Variants in CDK12 observed in about 807,000 individuals in gnomAD.
CDK12 encodes the protein cyclin-dependent kinase 12.
In CDK12, 17 loss-of-function variants were observed where a neutral mutation model predicts 133.8. The observed-to-expected ratio is 0.13, with a 90% CI of 0.09 to 0.19. The LOEUF (loss-of-function observed/expected upper bound fraction) is 0.19, where lower values mean the gene tolerates loss of function less well. CDK12 is among the 10% of genes least tolerant of loss of function. The probability of loss-of-function intolerance (pLI) is 1.00; values close to 1 mark genes in which losing one functional copy is unlikely to be tolerated. For missense variants in CDK12, 1,508 were observed against 1,818.7 expected, an observed-to-expected ratio of 0.83 and a Z score of 3.11; for synonymous variants, 694 against 683.6, an observed-to-expected ratio of 1.02 and a Z score of -0.24.
At chr17:39,561,589 C>G (rs547901946) in intron 3 of CDK12, among the ~76,000 whole-genome samples, 5 of 152,324 alleles carry the variant, frequency 3.3e-5, no homozygotes, top group African/African-American at 1.2e-4. Context: ...TTGGCCCAGA[C>G]ATGATGAATG....
chr17:39,489,066 C>G (rs918648692), intron 2 of CDK12, among the ~76,000 whole-genome samples: 1 of 151,302 alleles, frequency 6.6e-6, no homozygotes, highest in African/African-American at 2.4e-5. Context: ...AATTACACCA[C>G]CACACCCAGT....
At chr17:39,477,878 TTGTATTTTTA>T (rs1423374032) in intron 2 of CDK12, among the ~76,000 whole-genome samples, 1 of 151,452 alleles carries the variant, frequency 6.6e-6, no homozygotes, top group African/African-American at 2.4e-5. Flanking sequence ...CCGCCTATTT[TTGTATTTTTA>T]GTAGAGACGG....
chr17:39,525,832 C>G (rs1260364587), intron 12 of CDK12, 32 bp from the exon 13 acceptor site: 1 of 1,565,494 alleles, frequency 6.4e-7, no homozygotes, highest in Non-Finnish European at 8.7e-7. Flanking sequence ...CCTATCTCAT[C>G]GTCTTATATT....
At chr17:39,494,756 T>G (rs1016163601) in intron 5 of CDK12, 62 bp downstream of exon 5, 2 of 1,248,568 alleles carry the variant, frequency 1.6e-6, no homozygotes, top group South Asian at 3.0e-5. Context: ...TTTCTTTTTT[T>G]TTTTCTTTCT....
rs2049773891 is a variant in CDK12, at chr17:39,471,317, G to A, written c.1485G>A (p.Leu495=). ...ENSEKHLVKD[L]KAQGTRDSKP... is the part of the protein sequence containing the mutation. Reference sequence around the variant, plus strand: ...CCGAGAAGCATCTTGTTAAAGATTTGAAAGCACAGGGAACAAGAGACTCTA... The same window carrying A: ...CCGAGAAGCATCTTGTTAAAGATTTAAAAGCACAGGGAACAAGAGACTCTA... Residue 495 remains leucine, a synonymous_variant, in exon 2 of 14, where the codon TTG becomes TTA. Coordinates refer to ENST00000447079, the MANE Select transcript of CDK12 (RefSeq NM_016507.4). 1 of 1,613,844 alleles carries A rather than the reference G, an allele frequency of 6.2e-7. No individual in the cohort carries two copies. Among genetic ancestry groups the A allele is most frequent in the African/African-American group, 1.3e-5 (1 of 75,012 alleles).
At chr17:39,476,778 A>C (rs1289262035) in intron 2 of CDK12, among the ~76,000 whole-genome samples, 1 of 123,476 alleles carries the variant, frequency 8.1e-6, no homozygotes, top group Admixed American at 1.0e-4. Context: ...GCTGGAGTGC[A>C]ATGGGGCAAT....
At chr17:39,561,762 T>C (rs1032711204) in intron 3 of CDK12, among the ~76,000 whole-genome samples, 7 of 152,098 alleles carry the variant, frequency 4.6e-5, no homozygotes, top group African/African-American at 1.7e-4. Context: ...CCTAACAGTT[T>C]TCCCCACTCA....
At chr17:39,467,383 G>A (rs778243984) in intron 1 of CDK12, among the ~76,000 whole-genome samples, 5 of 152,164 alleles carry the variant, frequency 3.3e-5, no homozygotes. Flanking sequence ...AACTTAATTC[G>A]GTGAGTGGGG....
chr17:39,542,013 G>A (rs1469091500), intron 1 of CDK12, among the ~76,000 whole-genome samples: 1 of 152,112 alleles, frequency 6.6e-6, no homozygotes, highest in Admixed American at 6.5e-5. Context: ...CGAGTAGAGT[G>A]CCCCCAACTT....
At chr17:39,502,492 A>T (rs1371893349) in intron 6 of CDK12, among the ~76,000 whole-genome samples, 1 of 152,204 alleles carries the variant, frequency 6.6e-6, no homozygotes, top group Admixed American at 6.5e-5. Flanking sequence ...ATATAGGAAC[A>T]TGGAAAGATT....
In CDK12 at chr17:39,531,233, C is replaced by T. The variant is rs2054826458; in HGVS notation, c.4390C>T (p.Gln1464Ter). The change falls in exon 14 of 14, where the codon CAG (glutamine) becomes TAG (stop). Residue 1464 changes from glutamine to a stop codon, truncating the protein, a stop_gained. Transcript: ENST00000447079. LOFTEE classifies it high-confidence loss of function. ...GAGLHWGGPT[Q>*]SSAYGKLYRG... Reference sequence around the variant, plus strand: ...AGGCCTTCACTGGGGGGGCCCAACTCAGTCTTCTGCTTATGGAAAACTCTA... The same window carrying T: ...AGGCCTTCACTGGGGGGGCCCAACTTAGTCTTCTGCTTATGGAAAACTCTA... 2 of 1,515,010 alleles carry T rather than the reference C, an allele frequency of 1.3e-6. No homozygotes were observed. The highest frequency in any genetic ancestry group is 1.8e-6 in the Non-Finnish European group (2 of 1,134,040). The allele number at this position is 1,515,010 out of a possible 1,614,324, so 93.8% of individuals were successfully genotyped here.
intron 9 of CDK12, 32 bp downstream of exon 9, chr17:39,515,840 GGT>G: frequency 7.3e-7 from 1 of 1,375,422 alleles, no homozygotes; most frequent in Non-Finnish European, 1.0e-6. Flanking sequence ...TGAGTGCCCA[GGT>G]GTGATAGGTA....
downstream of CDK12, among the ~76,000 whole-genome samples, chr17:39,565,336 G>A (rs1289410530): frequency 1.3e-5 from 2 of 151,484 alleles, no homozygotes; most frequent in African/African-American, 2.4e-5. Context: ...GGATGGTCTC[G>A]ATCTCCTGAC....
chr17:39,497,542 CAA>C (rs111911703), intron 5 of CDK12, among the ~76,000 whole-genome samples: 4 of 115,492 alleles, frequency 3.5e-5, no homozygotes, highest in Admixed American at 8.7e-5. Context: ...GACTCTGTCT[CAA>C]AAAAAAAAAA....
chr17:39,554,609 G>A (rs765769085), intron 2 of CDK12, among the ~76,000 whole-genome samples: 2 of 152,110 alleles, frequency 1.3e-5, no homozygotes, highest in Admixed American at 6.6e-5. Flanking sequence ...AGCCGGGCAC[G>A]GCAAATCACA....
chr17:39,495,523 G>A (rs2052028406), intron 5 of CDK12, among the ~76,000 whole-genome samples: 2 of 151,402 alleles, frequency 1.3e-5, no homozygotes, highest in South Asian at 4.2e-4. Context: ...CAGGCGCAGT[G>A]GCTCACGCCT....
At chr17:39,522,491 G>A (rs1026001933) in intron 11 of CDK12, among the ~76,000 whole-genome samples, 16 of 151,954 alleles carry the variant, frequency 1.1e-4, no homozygotes, top group Admixed American at 1.0e-3. Context: ...CTGGAGTGCA[G>A]TGGCACAATC....
At position 39,482,015 on chromosome 17, in the gene CDK12, C is replaced by CATTTTTTTT. The variant is rs773073791; in HGVS notation, c.1932-8542_1932-8541insATTTTTTTT. On this transcript the variant is annotated intron_variant, in intron 2 of 13. Coordinates refer to ENST00000447079, the MANE Select transcript of CDK12 (RefSeq NM_016507.4). ...GATTACAGGCATGAGCCTGGCTTGC[C>CATTTTTTTT]TTTTTTTTTTTTTTTTAACAGAGTT... Among the ~76,000 whole-genome samples the CATTTTTTTT allele has an allele frequency of 4.2e-5, 4 of 96,224 alleles. 1 individual carries two copies. The highest frequency in any genetic ancestry group is 6.6e-5 in the Non-Finnish European group (3 of 45,176). The allele number at this position is 96,224 out of a possible 152,430, so 63.1% of individuals were successfully genotyped here. A position where few individuals can be genotyped will look rare whatever the true frequency, so the allele number is the denominator to read the frequency against.
At chr17:39,510,695 CCT>C (rs1009281593) in intron 7 of CDK12, among the ~76,000 whole-genome samples, 3 of 151,140 alleles carry the variant, frequency 2.0e-5, no homozygotes, top group Admixed American at 1.3e-4. Flanking sequence ...CTCACTGAAA[CCT>C]CTGCCTCCCG....
Sources: gnomAD v4.1 joint callset for allele counts (sites outside exome capture counted in the v4.1 genomes callset) on GRCh38, gnomAD v4.1.1 for gene constraint, MANE v1.5 for transcripts, NCBI Gene and HGNC (gene_info 2026-07-23, HGNC 2026-07-21) for gene names.